The following TMEM132D variants were observed in gnomAD, a reference collection of about 807,000 sequenced individuals.
TMEM132D encodes mature OL transmembrane protein.
In TMEM132D, 21 loss-of-function variants were observed where a neutral mutation model predicts 62.3. The observed-to-expected ratio is 0.34, with a 90% CI of 0.24 to 0.49. The LOEUF (loss-of-function observed/expected upper bound fraction) is 0.49. Ranked by LOEUF, TMEM132D falls within the 20% of genes least tolerant of loss-of-function variation. The pLI is 0.99. For synonymous variants in TMEM132D, 621 were observed against 575.6 expected (o/e 1.08, Z -1.13); for missense variants, 1,346 against 1,402.8 (o/e 0.96, Z 0.65).
At chr12:129,592,756 C>T (rs1878229153) in intron 2 of TMEM132D, among the ~76,000 whole-genome samples, 1 of 152,060 alleles carries the variant, frequency 6.6e-6, no homozygotes, top group African/African-American at 2.4e-5. Context: ...GCTATGTGAA[C>T]GTTTGTGAAG....
intron 7 of TMEM132D, among the ~76,000 whole-genome samples, chr12:129,079,841 A>G (rs116718161): frequency 0.012 from 1,778 of 152,278 alleles, 36 homozygotes; most frequent in African/African-American, 0.039. Flanking sequence ...GAGAAAAAAG[A>G]GAAAAGAACC....
chr12:129,662,544 C>G (rs914830507), intron 2 of TMEM132D, among the ~76,000 whole-genome samples: 3 of 152,172 alleles, frequency 2.0e-5, no homozygotes, highest in African/African-American at 4.8e-5. Context: ...CCCATTATCC[C>G]AGCACTTTGG....
chr12:129,362,296 A>C (rs1005635405), intron 3 of TMEM132D, among the ~76,000 whole-genome samples: 41 of 152,262 alleles, frequency 2.7e-4, no homozygotes, highest in Middle Eastern at 3.4e-3. Flanking sequence ...AGTTTCCAAC[A>C]CTCAGAAGTA....
rs527742263 is a variant in TMEM132D at position 129,144,721 on chromosome 12, T to C, written c.1444-60019A>G. ...TCTATCTATCTAGCGACCTACCTAC[T>C]GACCTACGTATCATTCATCTAACAT... is the stretch of plus-strand genomic sequence containing the variant. On this transcript the variant is annotated intron_variant, in intron 5 of 8. Transcript: ENST00000422113. Among the ~76,000 whole-genome samples, 15 of 138,992 alleles carry C rather than the reference T, an allele frequency of 1.1e-4. 1 individual carries two copies. The South Asian group carries it at 3.5e-3, about 33-fold the overall frequency. 91.2% of individuals were successfully genotyped at this position (138,992 alleles called of 152,430 possible).
chr12:129,638,548 CAT>C (rs1374604310), intron 2 of TMEM132D, among the ~76,000 whole-genome samples: 8 of 42,986 alleles, frequency 1.9e-4, no homozygotes, highest in Admixed American at 5.2e-4. Flanking sequence ...TAAATATAAA[CAT>C]ATATAAATAT....
intron 1 of TMEM132D, among the ~76,000 whole-genome samples, chr12:129,889,439 CAACA>C (rs1222166941): frequency 2.8e-4 from 43 of 152,274 alleles, no homozygotes; most frequent in African/African-American, 1.0e-3. Flanking sequence ...TCTGAGTGAA[CAACA>C]AATGAACCTT....
intron 1 of TMEM132D, among the ~76,000 whole-genome samples, chr12:129,897,909 T>C (rs115689249): frequency 0.017 from 2,623 of 152,300 alleles, 79 homozygotes; most frequent in African/African-American, 0.059. Flanking sequence ...AGTTATTCCA[T>C]ATAATTATCA....
intron 1 of TMEM132D, among the ~76,000 whole-genome samples, chr12:129,762,971 T>C (rs1038693850): frequency 1.3e-5 from 2 of 152,190 alleles, no homozygotes; most frequent in African/African-American, 2.4e-5. Flanking sequence ...AACAGCCCAC[T>C]AGCTCAGCGC....
At chr12:129,325,915 A>G (rs940001803) in intron 4 of TMEM132D, among the ~76,000 whole-genome samples, 11 of 152,232 alleles carry the variant, frequency 7.2e-5, no homozygotes, top group African/African-American at 2.4e-4. Context: ...CCAAAGAGAA[A>G]GACGATGAAG....
At chr12:129,590,319 C>T (rs556238257) in intron 2 of TMEM132D, among the ~76,000 whole-genome samples, 54 of 152,272 alleles carry the variant, frequency 3.5e-4, no homozygotes, top group African/African-American at 1.2e-3. Flanking sequence ...ATTCTGACAC[C>T]GCCACGGCTG....
intron 5 of TMEM132D, among the ~76,000 whole-genome samples, chr12:129,188,689 T>C (rs1391910855): frequency 1.4e-5 from 2 of 142,306 alleles, no homozygotes; most frequent in Admixed American, 7.4e-5. Flanking sequence ...AACTAGATGA[T>C]TGATAGATAG....
At chr12:129,657,157 G>A (rs539330636) in intron 2 of TMEM132D, among the ~76,000 whole-genome samples, 2 of 152,288 alleles carry the variant, frequency 1.3e-5, no homozygotes. Flanking sequence ...CAGCTTTCAT[G>A]ACAAAGAGAA....
intron 4 of TMEM132D, among the ~76,000 whole-genome samples, chr12:129,284,268 A>G (rs1020269422): frequency 6.6e-6 from 1 of 152,264 alleles, no homozygotes; most frequent in Admixed American, 6.5e-5. Flanking sequence ...CTTCAGGGAC[A>G]TTTCGGTCTA....
At chr12:129,117,230 T>C (rs1875919717) in intron 5 of TMEM132D, among the ~76,000 whole-genome samples, 1 of 150,966 alleles carries the variant, frequency 6.6e-6, no homozygotes, top group Non-Finnish European at 1.5e-5. Flanking sequence ...GGTAAAACTA[T>C]AGAAACATTA....
intron 4 of TMEM132D, among the ~76,000 whole-genome samples, chr12:129,240,968 A>ATT (rs1330633432): frequency 2.0e-5 from 3 of 151,932 alleles, no homozygotes; most frequent in Non-Finnish European, 4.4e-5. Flanking sequence ...CTTTCCCTCT[A>ATT]TATCCATCAC....
rs36034328 is a variant in TMEM132D, at chr12:129,202,012, G to GAA, written c.1443+7506_1443+7507dup. 2.0e-3 allele frequency among the ~76,000 whole-genome samples: 295 copies of GAA among 149,598 alleles called. 3 individuals are homozygous for GAA. Among genetic ancestry groups the GAA allele is most frequent in the African/African-American group, 5.8e-3 (235 of 40,750 alleles). The stretch of plus-strand genomic sequence containing the variant: ...TTCACTGGGGACCTGTTGCCTTCTT[G>GAA]AAAAAAAAAATAAAACAAAACGAGC... On this transcript the variant is annotated intron_variant, in intron 5 of 8. Transcript: ENST00000422113.
intron 1 of TMEM132D, among the ~76,000 whole-genome samples, chr12:129,828,772 GAGGA>G (rs1477269651): frequency 1.4e-4 from 12 of 87,924 alleles, no homozygotes; most frequent in South Asian, 1.0e-3. Flanking sequence ...GGGAGGGAGG[GAGGA>G]AGAAAAGGAG....
At chr12:129,572,600 G>A (rs1188444921) in intron 2 of TMEM132D, among the ~76,000 whole-genome samples, 1 of 152,082 alleles carries the variant, frequency 6.6e-6, no homozygotes, top group Non-Finnish European at 1.5e-5. Flanking sequence ...TAGGCATGCG[G>A]CATCACACCC....
intron 3 of TMEM132D, among the ~76,000 whole-genome samples, chr12:129,362,895 C>T (rs1870291522): frequency 6.6e-6 from 1 of 152,176 alleles, no homozygotes; most frequent in African/African-American, 2.4e-5. Flanking sequence ...TTTGAAGTAC[C>T]AGCTCTGCCT....
Sources: allele counts gnomAD v4.1 joint callset (sites outside exome capture counted in the v4.1 genomes callset), GRCh38; gene constraint gnomAD v4.1.1; transcripts MANE v1.5; gene names NCBI Gene and HGNC (gene_info 2026-07-23, HGNC 2026-07-21).